The following SPATA18 variants were observed in gnomAD, a reference collection of about 807,000 sequenced individuals.
SPATA18 encodes mitochondria-eating protein.
Under a neutral mutation model 68.1 loss-of-function variants are expected in SPATA18, and 54 were observed. That is an observed-to-expected ratio of 0.79 (90% CI 0.64 to 0.99). SPATA18 has a LOEUF of 0.99. Among genes scored for constraint, SPATA18 ranks in the 50% least tolerant of loss-of-function variants. SPATA18 has a pLI of 0.00. For missense variants in SPATA18, 724 were observed against 681.1 expected, an observed-to-expected ratio of 1.06 and a Z score of -0.70; for synonymous variants, 242 against 244.8, an observed-to-expected ratio of 0.99 and a Z score of 0.11.
At position 52,051,625 on chromosome 4, in the gene SPATA18, C is replaced by T. The variant is rs1269674069; in HGVS notation, c.-80C>T. 2.3e-6 allele frequency: 3 copies of T among 1,331,668 alleles called. No homozygotes were observed. The Admixed American group carries it at 5.0e-5, about 22-fold the overall frequency. The allele number at this position is 1,331,668 out of a possible 1,614,324, so 82.5% of individuals were successfully genotyped here. On this transcript the variant is annotated 5_prime_UTR_variant, in exon 1 of 13. Transcript: ENST00000295213. The stretch of plus-strand genomic sequence containing the variant: ...AGAGAACACCCTTCCCGCCATATCA[C>T]CCCACGGTCCTGCGGAGGCCACCGC...
chr4:52,089,477 A>T (rs1741750683), intron 11 of SPATA18, among the ~76,000 whole-genome samples: 1 of 152,102 alleles, frequency 6.6e-6, no homozygotes, highest in Non-Finnish European at 1.5e-5. Context: ...AGATTCTGGT[A>T]AGTTGTCTTC....
At position 52,096,996 on chromosome 4, in the gene SPATA18, A is replaced by G. The variant is rs1051078681; in HGVS notation, c.*2109A>G. On this transcript the variant is annotated 3_prime_UTR_variant, in exon 13 of 13. Coordinates refer to ENST00000295213, the MANE Select transcript of SPATA18 (RefSeq NM_145263.4). ...AGGTAGCTCAGTTTATTTGCTTTCT[A>G]CCCTGCCTGGCCACTTGCTGTTTCT... 1.3e-5 allele frequency: 2 copies of G among 152,212 alleles called. No individual in the cohort carries two copies. The highest frequency in any genetic ancestry group is 1.3e-4 in the Admixed American group (2 of 15,276). The allele number at this position is 152,212 out of a possible 1,614,324, so 9.4% of individuals were successfully genotyped here. A position where few individuals can be genotyped will look rare whatever the true frequency, so the allele number is the denominator to read the frequency against.
rs781577554 is a variant in SPATA18 at position 52,094,551 on chromosome 4, C to G, written c.1588C>G (p.Pro530Ala). The change falls in exon 12 of 13, where the codon CCA (proline) becomes GCA (alanine). Residue 530 changes from proline to alanine, a missense_variant. Transcript: ENST00000295213. ...NTMSRSRSPS[P>A]IRCGLPRF Reference sequence around the variant, plus strand: ...GATGTCTCGAAGTCGGAGTCCTTCTCCAATAAGATGTGGATTGCCAAGTAA... The same window carrying G: ...GATGTCTCGAAGTCGGAGTCCTTCTGCAATAAGATGTGGATTGCCAAGTAA... The G allele has an allele frequency of 2.5e-6, 4 of 1,613,422 alleles. No individual in the cohort carries two copies. The highest frequency in any genetic ancestry group is 2.2e-5 in the South Asian group (2 of 90,870).
chr4:52,082,708 C>G, intron 10 of SPATA18, 198 bp downstream of exon 10: 1 of 1,422,240 alleles, frequency 7.0e-7, no homozygotes, highest in Non-Finnish European at 9.2e-7. Context: ...AATTTCCTGG[C>G]AGTAATTTCT....
Position 52,094,962 on chromosome 4 carries a change from GTC to G in SPATA18, c.*77_*78del. The stretch of plus-strand genomic sequence containing the variant: ...TCCAGTGCCGCCATCTGTCTTCTGT[GTC>G]TGCCTCAGACCTCACTTAAGATAAT... On this transcript the variant is annotated 3_prime_UTR_variant, in exon 13 of 13. Coordinates refer to ENST00000295213, the MANE Select transcript of SPATA18 (RefSeq NM_145263.4). 6.4e-7 allele frequency: 1 copy of G among 1,556,340 alleles called. No homozygotes were observed. The highest frequency in any genetic ancestry group is 8.9e-7 in the Non-Finnish European group (1 of 1,127,552).
intron 6 of SPATA18, among the ~76,000 whole-genome samples, chr4:52,073,297 G>T (rs1740028718): frequency 6.6e-6 from 1 of 152,154 alleles, no homozygotes; most frequent in Admixed American, 6.5e-5. Flanking sequence ...AATACCTTTT[G>T]CCAGGTAGTT....
intron 3 of SPATA18, among the ~76,000 whole-genome samples, chr4:52,061,211 T>G (rs1347141654): frequency 1.3e-5 from 2 of 152,126 alleles, no homozygotes; most frequent in Non-Finnish European, 2.9e-5. Flanking sequence ...TAGAAAGCAT[T>G]TAGTCTGTTC....
chr4:52,078,029 C>A (rs552399868), intron 7 of SPATA18, among the ~76,000 whole-genome samples: 1 of 151,844 alleles, frequency 6.6e-6, no homozygotes, highest in South Asian at 2.1e-4. Context: ...CTTATCTGGA[C>A]CTGGCTCATA....
At chr4:52,080,559 A>G (rs549779034) in intron 9 of SPATA18, among the ~76,000 whole-genome samples, 15 of 152,334 alleles carry the variant, frequency 9.8e-5, no homozygotes, top group African/African-American at 3.4e-4. Context: ...GCTGGAGATT[A>G]TCTGGGAAGA....
rs1261296756 is a variant in SPATA18 at position 52,079,899 on chromosome 4, A to C, written c.1335A>C (p.Gly445=). 2 of 1,612,966 alleles carry C rather than the reference A, an allele frequency of 1.2e-6. No individual in the cohort carries two copies. The highest frequency in any genetic ancestry group is 8.5e-7 in the Non-Finnish European group (1 of 1,179,552). Residue 445 remains glycine (G), a synonymous_variant, in exon 9 of 13, where the codon GGA becomes GGC. Transcript: ENST00000295213. The part of the protein sequence containing the change: ...PPLDIAYGAD[G]EVFNDCKYRR... The stretch of plus-strand genomic sequence containing the variant: ...TAGATATTGCATATGGAGCAGATGG[A>C]GAAGTTTTTAATGATTGCAAGTAAG...
At chr4:52,074,762 T>C (rs1221140160) in intron 6 of SPATA18, among the ~76,000 whole-genome samples, 1 of 152,112 alleles carries the variant, frequency 6.6e-6, no homozygotes, top group Non-Finnish European at 1.5e-5. Flanking sequence ...GAAGTTCCAA[T>C]GATATTATAA....
chr4:52,087,182 G>A (rs1170663330), intron 11 of SPATA18, among the ~76,000 whole-genome samples: 1 of 152,080 alleles, frequency 6.6e-6, no homozygotes, highest in African/African-American at 2.4e-5. Context: ...TTGTCAGATG[G>A]AGAGACTGCA....
At chr4:52,084,832 C>A in intron 10 of SPATA18, 84 bp from the exon 11 acceptor site, 1 of 1,296,150 alleles carries the variant, frequency 7.7e-7, no homozygotes. Flanking sequence ...AACTCTTATT[C>A]TGTGGGATAT....
intron 10 of SPATA18, 143 bp downstream of exon 10, chr4:52,082,653 C>G: frequency 6.5e-7 from 1 of 1,535,630 alleles, no homozygotes; most frequent in East Asian, 2.4e-5. Flanking sequence ...GAGATGATCT[C>G]AAGAAGAACT....
chr4:52,079,623 C>A, intron 8 of SPATA18, 121 bp from the exon 9 acceptor site: 1 of 1,150,170 alleles, frequency 8.7e-7, no homozygotes, highest in Non-Finnish European at 1.2e-6. Context: ...TGTTTTTCTG[C>A]TTTAACTTGC....
rs762303230 is a variant in SPATA18, at chr4:52,076,932, C to A, written c.912C>A (p.Ser304=). Residue 304 remains serine (S), a synonymous_variant, in exon 7 of 13, where the codon TCC becomes TCA. Transcript: ENST00000295213. ...TGGCGCGCAAGGCTGCCCTCTTGTC[C>A]CGGTTCAGCGATTCCTATTCCCAGG... The part of the protein sequence containing the change: ...SNVARKAALL[S]RFSDSYSQAR... The A allele has an allele frequency of 6.2e-6, 10 of 1,614,078 alleles. No individual in the cohort carries two copies. The highest frequency in any genetic ancestry group is 5.0e-5 in the Admixed American group (3 of 60,010).
Position 52,082,965 on chromosome 4 carries a change from A to C in SPATA18, c.1479+455A>C, listed in dbSNP as rs1326938403. 32 of 985,034 alleles carry C rather than the reference A, an allele frequency of 3.2e-5. No individual in the cohort carries two copies. The Admixed American group carries it at 2.0e-3, about 61-fold the overall frequency. The allele number at this position is 985,034 out of a possible 1,614,324, so 61.0% of individuals were successfully genotyped here. Reference sequence around the variant, plus strand: ...CCTTGGTATGATGTGTATGGAGGGGAGGGATGGAGACAAAGAGGGCAGAGG... The same window carrying C: ...CCTTGGTATGATGTGTATGGAGGGGCGGGATGGAGACAAAGAGGGCAGAGG... On this transcript the variant is annotated intron_variant, in intron 10 of 12. Coordinates refer to ENST00000295213, the MANE Select transcript of SPATA18 (RefSeq NM_145263.4).
intron 11 of SPATA18, among the ~76,000 whole-genome samples, chr4:52,089,276 C>G (rs1278788652): frequency 1.3e-5 from 2 of 151,862 alleles, no homozygotes; most frequent in Non-Finnish European, 2.9e-5. Flanking sequence ...GTTAATGTCT[C>G]TATCTCCTTC....
At chr4:52,052,225 G>T (rs1473916165) in intron 1 of SPATA18, among the ~76,000 whole-genome samples, 1 of 152,144 alleles carries the variant, frequency 6.6e-6, no homozygotes, top group Non-Finnish European at 1.5e-5. Context: ...TCCTGCCCAG[G>T]GTTTGTATCA....
Sources: allele counts gnomAD v4.1 joint callset (sites outside exome capture counted in the v4.1 genomes callset), GRCh38; gene constraint gnomAD v4.1.1; transcripts MANE v1.5; gene names NCBI Gene and HGNC (gene_info 2026-07-23, HGNC 2026-07-21).